The following RCC1 variants were observed in gnomAD, a reference collection of about 807,000 sequenced individuals.
The protein encoded by RCC1 is regulator of chromosome condensation 1, also known as regulator of chromosome condensation.
Under a neutral mutation model 44.4 loss-of-function variants are expected in RCC1, and 11 were observed. That is an observed-to-expected ratio of 0.25 (90% confidence interval 0.16 to 0.41). The LOEUF (loss-of-function observed/expected upper bound fraction) is 0.41, where lower values mean the gene tolerates loss of function less well. Among genes scored for constraint, RCC1 ranks in the 10% least tolerant of loss-of-function variants. The pLI, the probability that RCC1 is intolerant of heterozygous loss-of-function variation, is 1.00. For synonymous variants in RCC1, 213 were observed against 216.5 expected, an observed-to-expected ratio of 0.98 and a Z score of 0.14; for missense variants, 386 against 547.1, an observed-to-expected ratio of 0.71 and a Z score of 2.94.
At chr1:28,537,060 G>A (rs965446257) in intron 12 of RCC1, among the ~76,000 whole-genome samples, 161 bp downstream of exon 12, 2 of 152,108 alleles carry the variant, frequency 1.3e-5, no homozygotes, top group African/African-American at 4.8e-5. Context: ...CTCTGGCATT[G>A]ATGAATATGA....
intron 12 of RCC1, 139 bp downstream of exon 12, chr1:28,537,038 G>A: frequency 1.1e-6 from 1 of 879,378 alleles, no homozygotes; most frequent in Non-Finnish European, 1.8e-6. Context: ...CTTTGTTCCT[G>A]CTTCTCAGAA....
In RCC1 at chr1:28,536,414, G is replaced by A; in HGVS notation, c.937+33G>A. 6.2e-7 allele frequency: 1 copy of A among 1,606,336 alleles called. No homozygotes were observed. Among genetic ancestry groups the A allele is most frequent in the Non-Finnish European group, 8.5e-7 (1 of 1,177,438 alleles). The stretch of plus-strand genomic sequence containing the variant: ...CTTTACGTCCTTCTCTAGTTTGGGG[G>A]TGGAGTGTTCCCTGGCCTAGGCCTA... On this transcript the variant is annotated intron_variant, in intron 11 of 12. Transcript: ENST00000683442. The surrounding 1 kb of genome is among the most constrained non-coding windows in gnomAD (Gnocchi z 4.9).
chr1:28,536,102 G>C lies in RCC1; in HGVS notation c.817+76G>C, dbSNP rs1387241788. The C allele has an allele frequency of 5.8e-6, 9 of 1,549,144 alleles. No individual in the cohort carries two copies. Among genetic ancestry groups the C allele is most frequent in the Non-Finnish European group, 7.0e-6 (8 of 1,145,948 alleles). On this transcript the variant is annotated intron_variant, in intron 10 of 12. Transcript: ENST00000683442. This position sits in a 1 kb window ranked among gnomAD's most constrained non-coding sequence, Gnocchi z 4.9. ...CCTGGCTCTGCCACTCATTCATTGTGCATCCTTTGCGGGGTCGTCTAACCC... is the reference window on the plus strand; with the variant it reads ...CCTGGCTCTGCCACTCATTCATTGTCCATCCTTTGCGGGGTCGTCTAACCC...
rs995451102 is a variant in RCC1, at chr1:28,530,077, C to CTG, written c.73+140_73+141dup. Reference sequence around the variant, plus strand: ...AGACCCCACCCAGCTGGAAGGTTTCCTGTAGCTCATTGAATCCTACCCTCT... The same window carrying CTG: ...AGACCCCACCCAGCTGGAAGGTTTCCTGTGTAGCTCATTGAATCCTACCCTCT... On this transcript the variant is annotated intron_variant, in intron 5 of 12. Transcript: ENST00000683442. 3 of 621,746 alleles carry CTG rather than the reference C, an allele frequency of 4.8e-6. No homozygotes were observed. The African/African-American group carries it at 5.6e-5, about 12-fold the overall frequency. 38.5% of individuals were successfully genotyped at this position (621,746 alleles called of 1,614,324 possible).
intron 1 of RCC1, chr1:28,507,094 C>CA: frequency 1.0e-5 from 2 of 200,558 alleles, no homozygotes; most frequent in South Asian, 6.9e-5. Context: ...GGGTAATTAA[C>CA]AAGTCCACGT....
chr1:28,521,782 G>A (rs1275378032), intron 4 of RCC1, among the ~76,000 whole-genome samples: 1 of 152,184 alleles, frequency 6.6e-6, no homozygotes, highest in East Asian at 1.9e-4. Flanking sequence ...GCTGGCTTCT[G>A]CTCTCTGCTT....
At chr1:28,511,403 GTT>G (rs201429762) in intron 3 of RCC1, among the ~76,000 whole-genome samples, 17,750 of 141,444 alleles carry the variant, frequency 0.13, 2,558 homozygotes, top group African/African-American at 0.36. Flanking sequence ...TTTGTTTTTT[GTT>G]TTTTTTTTTT....
intron 1 of RCC1, 85 bp downstream of exon 1, chr1:28,506,169 C>T (rs565714290): frequency 6.7e-6 from 3 of 447,418 alleles, no homozygotes; most frequent in East Asian, 7.0e-5. Flanking sequence ...CCGAGCTTCC[C>T]TAGGAAGATC....
chr1:28,516,129 G>C (rs1662881669), intron 3 of RCC1, among the ~76,000 whole-genome samples: 2 of 152,066 alleles, frequency 1.3e-5, no homozygotes, highest in African/African-American at 4.8e-5. Context: ...GTTGCAGTGA[G>C]CTGAAATCGT....
chr1:28,531,090 G>A (rs1664130734), intron 5 of RCC1, among the ~76,000 whole-genome samples: 1 of 151,934 alleles, frequency 6.6e-6, no homozygotes. Context: ...TTAGCCTTGC[G>A]CGGTGGCGCG....
intron 4 of RCC1, among the ~76,000 whole-genome samples, chr1:28,523,349 C>T (rs1663422983): frequency 6.6e-6 from 1 of 152,128 alleles, no homozygotes; most frequent in South Asian, 2.1e-4. Flanking sequence ...CTCAAGGACG[C>T]CAGCTCTGGA....
chr1:28,536,766 C>G lies in RCC1; in HGVS notation c.957C>G (p.Gly319=), dbSNP rs201252656. ...MDSEGKAYSL[G]RAEYGRLGLG... ...CCATAGGAAAAGCATACAGCCTGGG[C>G]CGGGCTGAGTATGGGCGGCTGGGCC... The change falls in exon 12 of 13, where the codon GGC becomes GGG. Residue 319 remains glycine, a synonymous_variant. Coordinates refer to ENST00000683442, the MANE Select transcript of RCC1 (RefSeq NM_001381865.2). This position sits in a 1 kb window ranked among gnomAD's most constrained non-coding sequence, Gnocchi z 4.9. 22 of 1,614,080 alleles carry G rather than the reference C, an allele frequency of 1.4e-5. No homozygotes were observed. The East Asian group carries it at 4.7e-4, about 34-fold the overall frequency.
intron 1 of RCC1, chr1:28,507,927 T>A: frequency 3.3e-6 from 1 of 302,564 alleles, no homozygotes; most frequent in South Asian, 2.8e-5. Flanking sequence ...TTAATACATG[T>A]TTAAGAAAAA....
intron 9 of RCC1, chr1:28,535,667 C>G (rs763983394): frequency 1.3e-6 from 1 of 759,742 alleles, no homozygotes; most frequent in Admixed American, 2.0e-5. Flanking sequence ...GTAAGTTCCA[C>G]GTAAATGATA....
intron 5 of RCC1, chr1:28,530,692 C>T (rs1408593355): frequency 3.1e-6 from 4 of 1,287,600 alleles, no homozygotes; most frequent in East Asian, 2.6e-5. Flanking sequence ...GGGGGAGGGG[C>T]TGGGCGCCAT....
At chr1:28,506,253 G>A (rs1489327390) in intron 1 of RCC1, 169 bp downstream of exon 1, 1 of 445,574 alleles carries the variant, frequency 2.2e-6, no homozygotes, top group Middle Eastern at 4.5e-4. Flanking sequence ...CTGGACTGCA[G>A]TGCTCGTTGC....
intron 1 of RCC1, chr1:28,507,207 G>A (rs1662026216): frequency 5.2e-6 from 2 of 387,434 alleles, no homozygotes; most frequent in Admixed American, 3.4e-5. Context: ...TAGAATAGCT[G>A]AATATGCATG....
At chr1:28,527,873 G>A (rs557406145) in intron 4 of RCC1, among the ~76,000 whole-genome samples, 9 of 152,104 alleles carry the variant, frequency 5.9e-5, no homozygotes, top group Admixed American at 2.0e-4. Flanking sequence ...GCCGGGCGTG[G>A]TGGCACATGC....
chr1:28,523,027 CTT>C (rs775851239), intron 4 of RCC1, among the ~76,000 whole-genome samples: 12 of 91,032 alleles, frequency 1.3e-4, no homozygotes, highest in Admixed American at 2.6e-4. Flanking sequence ...GAAGAAATTT[CTT>C]TTTTTTTTTT....
Sources: allele counts gnomAD v4.1 joint callset (sites outside exome capture counted in the v4.1 genomes callset), GRCh38; gene constraint gnomAD v4.1.1; non-coding constraint Gnocchi (gnomAD v3.1); transcripts MANE v1.5; gene names NCBI Gene and HGNC (gene_info 2026-07-23, HGNC 2026-07-21).